PHF21B: variants seen among roughly 807,000 people sequenced by gnomAD.
The protein encoded by PHF21B is PHD finger protein 4.
Under a neutral mutation model 62.2 loss-of-function variants are expected in PHF21B, and 22 were observed. That is an observed-to-expected ratio of 0.35 (90% CI 0.25 to 0.51). The LOEUF (loss-of-function observed/expected upper bound fraction) is 0.51. Ranked by LOEUF, PHF21B falls within the 20% of genes least tolerant of loss-of-function variation. PHF21B has a pLI of 0.97. For synonymous variants in PHF21B, 341 were observed against 314.7 expected, an observed-to-expected ratio of 1.08 and a Z score of -0.88; for missense variants, 701 against 707.9, an observed-to-expected ratio of 0.99 and a Z score of 0.11.
At chr22:44,957,164 G>GTACC (rs2072316515) in intron 2 of PHF21B, among the ~76,000 whole-genome samples, 1 of 152,184 alleles carries the variant, frequency 6.6e-6, no homozygotes, top group African/African-American at 2.4e-5. Flanking sequence ...CTCCCTGGCT[G>GTACC]TGGACCCACA....
intron 2 of PHF21B, among the ~76,000 whole-genome samples, chr22:44,993,215 C>T (rs879328258): frequency 6.6e-6 from 1 of 152,182 alleles, no homozygotes; most frequent in Non-Finnish European, 1.5e-5. Context: ...GGCTGGGATA[C>T]AGTTTAACAT....
intron 2 of PHF21B, among the ~76,000 whole-genome samples, chr22:45,004,859 C>T (rs1304549480): frequency 6.6e-6 from 1 of 152,208 alleles, no homozygotes; most frequent in Admixed American, 6.5e-5. Context: ...TCTCAGAACC[C>T]AGAGTTCATC....
intron 2 of PHF21B, among the ~76,000 whole-genome samples, chr22:44,937,809 T>C (rs1158395800): frequency 6.6e-6 from 1 of 152,106 alleles, no homozygotes; most frequent in Non-Finnish European, 1.5e-5. Flanking sequence ...TAGCACTGCG[T>C]GGAACGAAGG....
At chr22:44,956,947 C>A (rs1273367682) in intron 2 of PHF21B, among the ~76,000 whole-genome samples, 2 of 152,356 alleles carry the variant, frequency 1.3e-5, no homozygotes, top group Non-Finnish European at 2.9e-5. Flanking sequence ...CATCCACTCA[C>A]CAACCACAGG....
At chr22:44,952,381 G>A (rs534882058) in intron 2 of PHF21B, among the ~76,000 whole-genome samples, 4 of 152,286 alleles carry the variant, frequency 2.6e-5, no homozygotes, top group African/African-American at 4.8e-5. Flanking sequence ...TGCATGCAAC[G>A]TGAGAGAAAC....
chr22:44,896,210 A>C, intron 5 of PHF21B, 127 bp from the exon 6 acceptor site: 2 of 917,152 alleles, frequency 2.2e-6, no homozygotes, highest in Non-Finnish European at 1.8e-6. Context: ...GAGGCCTCCA[A>C]CTCCAGATGC....
chr22:45,007,446 G>A (rs536367895), intron 2 of PHF21B, among the ~76,000 whole-genome samples: 3 of 148,590 alleles, frequency 2.0e-5, no homozygotes, highest in South Asian at 2.1e-4. Flanking sequence ...GGCCCGGGCG[G>A]GGGCGCGCGG....
intron 10 of PHF21B, 84 bp downstream of exon 10, chr22:44,887,879 T>A: frequency 7.7e-7 from 1 of 1,306,496 alleles, no homozygotes; most frequent in Non-Finnish European, 9.8e-7. Flanking sequence ...AGCCCCTTTT[T>A]TCACCCCTCC....
intron 5 of PHF21B, among the ~76,000 whole-genome samples, chr22:44,907,608 G>C (rs866356593): frequency 6.6e-6 from 1 of 152,214 alleles, no homozygotes; most frequent in African/African-American, 2.4e-5. Flanking sequence ...CAAAAGGACA[G>C]GCCCTTCAAG....
At chr22:44,976,862 C>T (rs1040153841) in intron 2 of PHF21B, among the ~76,000 whole-genome samples, 13 of 152,206 alleles carry the variant, frequency 8.5e-5, no homozygotes, top group Non-Finnish European at 1.2e-4. Context: ...TGGCCAGGGC[C>T]GGGCGGGGGC....
At chr22:44,926,610 G>A (rs1224440554) in intron 2 of PHF21B, among the ~76,000 whole-genome samples, 1 of 152,234 alleles carries the variant, frequency 6.6e-6, no homozygotes, top group Non-Finnish European at 1.5e-5. Flanking sequence ...GCTCTGGGTG[G>A]GCTGAGGAGG....
chr22:44,971,962 C>G (rs2072646955), intron 2 of PHF21B, among the ~76,000 whole-genome samples: 1 of 152,228 alleles, frequency 6.6e-6, no homozygotes, highest in Non-Finnish European at 1.5e-5. Flanking sequence ...TTAAGCAACT[C>G]CTATCCCTGG....
At chr22:44,966,813 G>A (rs893821584) in intron 2 of PHF21B, among the ~76,000 whole-genome samples, 36 of 152,178 alleles carry the variant, frequency 2.4e-4, no homozygotes, top group Admixed American at 1.8e-3. Flanking sequence ...AGGTAGCATC[G>A]CTGCAGAGGC....
chr22:44,925,900 G>A (rs1196717325), intron 2 of PHF21B, among the ~76,000 whole-genome samples: 2 of 152,214 alleles, frequency 1.3e-5, no homozygotes, highest in African/African-American at 2.4e-5. Flanking sequence ...TATGCAGCTG[G>A]TCAACAGTCA....
intron 1 of PHF21B, 124 bp from the exon 2 acceptor site, chr22:45,008,734 G>C (rs2073372630): frequency 8.6e-7 from 1 of 1,163,442 alleles, no homozygotes; most frequent in Non-Finnish European, 1.1e-6. Context: ...CGCACCCCAA[G>C]TTTCCCGGGC....
chr22:44,958,103 C>T (rs1033870115), intron 2 of PHF21B, among the ~76,000 whole-genome samples: 6 of 152,152 alleles, frequency 3.9e-5, no homozygotes, highest in Non-Finnish European at 7.3e-5. Context: ...GGGGTTTCTC[C>T]ATTTGGTCAG....
At chr22:44,944,350 C>T (rs551390891) in intron 2 of PHF21B, among the ~76,000 whole-genome samples, 34 of 152,298 alleles carry the variant, frequency 2.2e-4, no homozygotes, top group African/African-American at 7.5e-4. Flanking sequence ...AGGAGCTGGA[C>T]GCCTGTGCTG....
intron 2 of PHF21B, among the ~76,000 whole-genome samples, chr22:44,999,179 G>C (rs956153201): frequency 3.3e-5 from 5 of 152,142 alleles, no homozygotes; most frequent in Non-Finnish European, 5.9e-5. Flanking sequence ...TGCTACTACC[G>C]AACAGGAAGT....
intron 2 of PHF21B, among the ~76,000 whole-genome samples, chr22:44,933,031 G>A (rs968941641): frequency 6.6e-5 from 10 of 152,190 alleles, no homozygotes; most frequent in Non-Finnish European, 1.2e-4. Context: ...AGGAGAGCAG[G>A]TCCTGTCCTC....
Sources: allele counts gnomAD v4.1 joint callset (sites outside exome capture counted in the v4.1 genomes callset), GRCh38; gene constraint gnomAD v4.1.1; transcripts MANE v1.5; gene names NCBI Gene and HGNC (gene_info 2026-07-23, HGNC 2026-07-21).